The following DCAF8L2 variants were observed in gnomAD, a reference collection of about 807,000 sequenced individuals.
DCAF8L2 encodes the protein DDB1 and CUL4 associated factor 8 like 2.
For missense variants in DCAF8L2, 430 were observed against 490.7 expected, an observed-to-expected ratio of 0.88 and a Z score of 1.17; for synonymous variants, 200 against 190.9, an observed-to-expected ratio of 1.05 and a Z score of -0.39.
rs61739703 is a variant in DCAF8L2 at position 27,747,126 on chromosome X, C to A, written c.231C>A (p.Ser77Arg). Residue 77 changes from serine to arginine, a missense_variant, in exon 5 of 5, where the codon AGC (serine) becomes AGA (arginine). Ser to Arg is a moderately radical substitution (Grantham distance 110). Coordinates refer to ENST00000451261, the MANE Select transcript of DCAF8L2 (RefSeq NM_001353450.2). The stretch of plus-strand genomic sequence containing the variant: ...AAAATCGAAGCTCAGACCAAGAAAG[C>A]GCAAGTGAAGACATCGAACTTGAGA... ...STENRSSDQESASEDIELESL... is the reference protein window; with the variant it reads ...STENRSSDQERASEDIELESL... 1,362 of 1,165,689 alleles carry A rather than the reference C, an allele frequency of 1.2e-3. 7 individuals carry two copies. The highest frequency in any genetic ancestry group is 5.6e-3 in the African/African-American group (312 of 55,556).
the DCAF8L2 span, among the ~76,000 whole-genome samples, chrX:27,484,008 A>G: frequency 5.4e-5 from 6 of 111,837 alleles, no homozygotes; most frequent in Non-Finnish European, 9.4e-5. Context: ...TCTAGATGTT[A>G]TTTCAAGGGT....
At chrX:27,527,167 C>T in the DCAF8L2 span, among the ~76,000 whole-genome samples, 1 of 112,306 alleles carries the variant, frequency 8.9e-6, no homozygotes, top group Admixed American at 9.4e-5. Flanking sequence ...CTGTGGTGGA[C>T]TCCACCCAGT....
At chrX:27,673,533 G>A (rs1005663420) in intron 2 of DCAF8L2, among the ~76,000 whole-genome samples, 2 of 106,394 alleles carry the variant, frequency 1.9e-5, no homozygotes, top group East Asian at 5.8e-4. Flanking sequence ...AAAGATTTGG[G>A]GTTAGGTATA....
chrX:27,543,845 T>C, the DCAF8L2 span, among the ~76,000 whole-genome samples: 23 of 111,345 alleles, frequency 2.1e-4, no homozygotes, highest in Non-Finnish European at 3.2e-4. Context: ...CTTCCAAGGT[T>C]ACTTCTGAGG....
At chrX:27,704,298 A>ATG (rs1464125244) in intron 3 of DCAF8L2, among the ~76,000 whole-genome samples, 1 of 107,011 alleles carries the variant, frequency 9.3e-6, no homozygotes, top group African/African-American at 3.5e-5. Flanking sequence ...ATACATATAT[A>ATG]TGTGTGTGTA....
At chrX:27,518,398 A>C in the DCAF8L2 span, 1 of 691,635 alleles carries the variant, frequency 1.4e-6, no homozygotes, top group African/African-American at 2.1e-5. Context: ...GAAAACCTGA[A>C]GGTTGCACAA....
At chrX:27,576,851 C>T in the DCAF8L2 span, among the ~76,000 whole-genome samples, 47,909 of 110,617 alleles carry the variant, frequency 0.43, 8,711 homozygotes, top group South Asian at 0.69. Context: ...GATTTTTCTA[C>T]GTAACATTGA....
chrX:27,609,245 A>C (rs1927049311), intron 1 of DCAF8L2, among the ~76,000 whole-genome samples: 1 of 111,594 alleles, frequency 9.0e-6, no homozygotes, highest in African/African-American at 3.3e-5. Context: ...ATGGGGTATA[A>C]ATTTCTTTAA....
chrX:27,615,977 A>G, intron 1 of DCAF8L2, among the ~76,000 whole-genome samples: 1 of 111,364 alleles, frequency 9.0e-6, no homozygotes, highest in Non-Finnish European at 1.9e-5. Flanking sequence ...TGGAAGATAT[A>G]TTAGATTTAT....
chrX:27,689,263 C>T (rs1023040971), intron 3 of DCAF8L2, among the ~76,000 whole-genome samples: 25 of 111,936 alleles, frequency 2.2e-4, no homozygotes, highest in South Asian at 1.1e-3. Flanking sequence ...TGATTTTTTG[C>T]GATGGAGTCT....
chrX:27,747,302 A>T lies in DCAF8L2; in HGVS notation c.407A>T (p.Glu136Val). 1 of 1,101,268 alleles carries T rather than the reference A, an allele frequency of 9.1e-7. No individual in the cohort carries two copies. 90.8% of individuals were successfully genotyped at this position (1,101,268 alleles called of 1,213,427 possible). The change falls in exon 5 of 5, where the codon GAG (glutamate) becomes GTG (valine). Residue 136 changes from glutamate to valine, a missense_variant. By Grantham distance (121) the Glu-to-Val change is moderately radical. Coordinates refer to ENST00000451261, the MANE Select transcript of DCAF8L2 (RefSeq NM_001353450.2). ...EEEEEEEEEE[E>V]EEEEEEEEEE... ...GAGGAAGAGGAGGAGGAGGAGGAGGAGGAGGAGGAGGAGGAGGAGGAGGAG... is the reference window on the plus strand; with the variant it reads ...GAGGAAGAGGAGGAGGAGGAGGAGGTGGAGGAGGAGGAGGAGGAGGAGGAG...
At chrX:27,720,192 A>G (rs989999572) in intron 4 of DCAF8L2, among the ~76,000 whole-genome samples, 3 of 111,108 alleles carry the variant, frequency 2.7e-5, no homozygotes, top group Non-Finnish European at 5.7e-5. Flanking sequence ...CCACTTCACC[A>G]TATATATGTG....
chrX:27,602,797 C>T (rs999533776), intron 1 of DCAF8L2, among the ~76,000 whole-genome samples: 7 of 110,873 alleles, frequency 6.3e-5, no homozygotes, highest in Admixed American at 1.9e-4. Context: ...AATATAATTG[C>T]GTTCAAAGTG....
chrX:27,512,432 C>T, the DCAF8L2 span, among the ~76,000 whole-genome samples: 2 of 110,294 alleles, frequency 1.8e-5, no homozygotes, highest in East Asian at 5.7e-4. Context: ...GCCTGTAATC[C>T]CAGCACTTTG....
chrX:27,523,554 A>T, the DCAF8L2 span, among the ~76,000 whole-genome samples: 1 of 110,124 alleles, frequency 9.1e-6, no homozygotes. Flanking sequence ...GTCTACAATA[A>T]TTAAAGCAAT....
chrX:27,568,583 T>C, the DCAF8L2 span, among the ~76,000 whole-genome samples: 12 of 110,911 alleles, frequency 1.1e-4, no homozygotes, highest in African/African-American at 3.6e-4. Context: ...TTCAATGTCT[T>C]TGTGATATTT....
chrX:27,732,613 A>C (rs922862244), intron 4 of DCAF8L2, among the ~76,000 whole-genome samples: 3 of 110,349 alleles, frequency 2.7e-5, no homozygotes, highest in Admixed American at 9.8e-5. Flanking sequence ...ACTCTATCAA[A>C]ATTTCTTTAA....
At chrX:27,673,368 C>T (rs774869850) in intron 2 of DCAF8L2, among the ~76,000 whole-genome samples, 5 of 107,448 alleles carry the variant, frequency 4.7e-5, no homozygotes, top group East Asian at 2.9e-4. Flanking sequence ...ATTAGCCGGG[C>T]GTGGTGGCAG....
At chrX:27,562,444 C>A in the DCAF8L2 span, among the ~76,000 whole-genome samples, 2 of 112,314 alleles carry the variant, frequency 1.8e-5, no homozygotes, top group South Asian at 7.3e-4. Flanking sequence ...GGTGAGTGAC[C>A]CAGCTCTAAA....
Sources: gnomAD v4.1 joint callset for allele counts (sites outside exome capture counted in the v4.1 genomes callset) on GRCh38, gnomAD v4.1.1 for gene constraint, MANE v1.5 for transcripts, NCBI Gene and HGNC (gene_info 2026-07-23, HGNC 2026-07-21) for gene names.